Variants in MSANTD7 observed in about 807,000 individuals in gnomAD.
MSANTD7 encodes Myb/SANT DNA binding domain containing 7, also known as zinc finger and SCAN domain containing 29.
At chr10:14,840,407 G>A in the MSANTD7 span, among the ~76,000 whole-genome samples, 3 of 152,250 alleles carry the variant, frequency 2.0e-5, no homozygotes, top group African/African-American at 7.2e-5. Context: ...GTCAGAGGTG[G>A]TAATTTGGAT....
the MSANTD7 span, chr10:14,842,631 C>A: frequency 4.8e-5 from 73 of 1,536,074 alleles, no homozygotes; most frequent in Non-Finnish European, 6.2e-5. The surrounding 1 kb of genome is among the most constrained non-coding windows in gnomAD (Gnocchi z 5.2). Flanking sequence ...GAGGATGCTG[C>A]TTGGGCCAAG....
the MSANTD7 span, among the ~76,000 whole-genome samples, chr10:14,840,555 C>T: frequency 3.3e-5 from 5 of 152,156 alleles, no homozygotes; most frequent in East Asian, 9.6e-4. Flanking sequence ...TATTGATTTT[C>T]TTCCTCAGGA....
At chr10:14,845,270 A>C in the MSANTD7 span, 4 of 985,342 alleles carry the variant, frequency 4.1e-6, no homozygotes, top group Non-Finnish European at 4.8e-6. Context: ...AGGAATCTTT[A>C]GGATTTAAAA....
At chr10:14,840,045 T>C in the MSANTD7 span, 10 of 1,095,200 alleles carry the variant, frequency 9.1e-6, no homozygotes, top group South Asian at 2.5e-5. Context: ...CATTGTAATA[T>C]ATATATATAT....
the MSANTD7 span, chr10:14,846,900 C>T: frequency 1.0e-6 from 1 of 985,302 alleles, no homozygotes; most frequent in African/African-American, 1.7e-5. Context: ...TCCTCAAGTC[C>T]ATCATGTAAA....
the MSANTD7 span, among the ~76,000 whole-genome samples, chr10:14,841,450 C>T: frequency 6.6e-6 from 1 of 152,220 alleles, no homozygotes; most frequent in East Asian, 1.9e-4. Context: ...AGAAATAATA[C>T]AGAGACATCA....
chr10:14,840,195 GA>G, the MSANTD7 span: 1 of 992,344 alleles, frequency 1.0e-6, no homozygotes. Flanking sequence ...ATGGTAATAG[GA>G]ACATGTTCAT....
chr10:14,841,014 T>C, the MSANTD7 span, among the ~76,000 whole-genome samples: 1 of 152,206 alleles, frequency 6.6e-6, no homozygotes, highest in South Asian at 2.1e-4. Flanking sequence ...CAACTTTGTT[T>C]AGTGAGAATT....
the MSANTD7 span, chr10:14,845,598 A>ATTAT: frequency 1.4e-6 from 1 of 704,600 alleles, no homozygotes; most frequent in Non-Finnish European, 1.7e-6. Flanking sequence ...TATTATTATT[A>ATTAT]TTTTTTTTTT....
At chr10:14,845,933 C>T in the MSANTD7 span, 1 of 770,146 alleles carries the variant, frequency 1.3e-6, no homozygotes, top group Non-Finnish European at 1.6e-6. Context: ...TAGTACCTTC[C>T]AGCTCTAAAA....
chr10:14,839,216 G>A, the MSANTD7 span, among the ~76,000 whole-genome samples: 9 of 152,238 alleles, frequency 5.9e-5, no homozygotes, highest in Non-Finnish European at 1.0e-4. Context: ...CTAGTCCCGC[G>A]TTTAAATGTC....
chr10:14,842,654 A>G, the MSANTD7 span: 43 of 1,536,112 alleles, frequency 2.8e-5, no homozygotes, highest in African/African-American at 5.3e-4. The surrounding 1 kb of genome is among the most constrained non-coding windows in gnomAD (Gnocchi z 5.2). Context: ...CTGTGATCAG[A>G]ACTTAGTGGC....
chr10:14,841,853 C>T, the MSANTD7 span, among the ~76,000 whole-genome samples: 4 of 152,186 alleles, frequency 2.6e-5, no homozygotes, highest in Admixed American at 2.6e-4. Flanking sequence ...CCTCATGGTC[C>T]AGGTGATTTT....
chr10:14,838,646 A>T, the MSANTD7 span: 8 of 571,592 alleles, frequency 1.4e-5, no homozygotes, highest in Non-Finnish European at 2.4e-5. Context: ...TCCTCCGGAA[A>T]GTCGTCTACT....
At chr10:14,842,908 G>T in the MSANTD7 span, 2 of 1,170,812 alleles carry the variant, frequency 1.7e-6, no homozygotes, top group Non-Finnish European at 2.4e-6. The surrounding 1 kb of genome is among the most constrained non-coding windows in gnomAD (Gnocchi z 5.2). Flanking sequence ...ACATTTAGCT[G>T]TGTCTGTTTG....
chr10:14,838,406 G>T, the MSANTD7 span: 1 of 1,604,206 alleles, frequency 6.2e-7, no homozygotes. Context: ...CTGCCTCATG[G>T]CGGCCATCGG....
chr10:14,845,969 CAAAATG>C, the MSANTD7 span: 1 of 915,776 alleles, frequency 1.1e-6, no homozygotes, highest in African/African-American at 1.8e-5. Context: ...TAATAAAAGA[CAAAATG>C]AAAACGAAAT....
the MSANTD7 span, chr10:14,844,062 C>T: frequency 7.0e-7 from 1 of 1,433,622 alleles, no homozygotes; most frequent in Non-Finnish European, 9.1e-7. Flanking sequence ...CAAGATTCTC[C>T]ACCAAATGGA....
chr10:14,838,721 C>A, the MSANTD7 span: 1 of 475,022 alleles, frequency 2.1e-6, no homozygotes, highest in Admixed American at 4.0e-5. Flanking sequence ...GGCGGGATGC[C>A]CGGAGGGGTC....
Sources: allele counts gnomAD v4.1 joint callset (sites outside exome capture counted in the v4.1 genomes callset), GRCh38; gene constraint gnomAD v4.1.1; non-coding constraint Gnocchi (gnomAD v3.1); transcripts MANE v1.5; gene names NCBI Gene and HGNC (gene_info 2026-07-23, HGNC 2026-07-21).